The following OTUD4 variants were observed in gnomAD, a reference collection of about 807,000 sequenced individuals.
OTUD4 encodes OTU deubiquitinase 4.
Under a neutral mutation model 130.4 loss-of-function variants are expected in OTUD4, and 24 were observed. That is an observed-to-expected ratio of 0.18 (90% CI 0.13 to 0.26). The LOEUF is 0.26. Ranked by LOEUF, OTUD4 falls within the 10% of genes least tolerant of loss-of-function variation. The probability of loss-of-function intolerance (pLI) is 1.00; values close to 1 mark genes in which losing one functional copy is unlikely to be tolerated. For synonymous variants in OTUD4, 420 were observed against 472.5 expected (o/e 0.89, Z 1.44); for missense variants, 1,031 against 1,329.4 (o/e 0.78, Z 3.49).
At chr4:145,157,166 A>C (rs1219282456) in intron 7 of OTUD4, among the ~76,000 whole-genome samples, 1 of 152,222 alleles carries the variant, frequency 6.6e-6, no homozygotes, top group Non-Finnish European at 1.5e-5. Flanking sequence ...TAAATAAGTA[A>C]TAAGTATGTT....
chr4:145,149,167 C>G (rs921702243), intron 13 of OTUD4, among the ~76,000 whole-genome samples: 2 of 152,058 alleles, frequency 1.3e-5, no homozygotes, highest in East Asian at 3.9e-4. Flanking sequence ...AATGCCCTTA[C>G]AAGAAGAGAC....
intron 20 of OTUD4, 71 bp from the exon 21 acceptor site, chr4:145,138,721 A>T (rs1750408436): frequency 7.2e-7 from 1 of 1,385,332 alleles, no homozygotes; most frequent in Admixed American, 2.3e-5. Flanking sequence ...ATATCAATCT[A>T]CAAGTACTAG....
chr4:145,154,278 C>A lies in OTUD4; in HGVS notation c.873+1133G>T, dbSNP rs532109778. Reference sequence around the variant, plus strand: ...ACAATTAGAGCAGATTTATGACAATCCCATAAGGCAGTACCTGAATGAATC... The same window carrying A: ...ACAATTAGAGCAGATTTATGACAATACCATAAGGCAGTACCTGAATGAATC... On this transcript the variant is annotated intron_variant, in intron 10 of 20. Coordinates refer to ENST00000447906, the MANE Select transcript of OTUD4 (RefSeq NM_001366057.1). Among the ~76,000 whole-genome samples, 3 of 152,294 alleles carry A rather than the reference C, an allele frequency of 2.0e-5. No homozygotes were observed. In the South Asian group the frequency reaches 6.2e-4, roughly 32 times the overall value.
chr4:145,179,396 T>G (rs1406632547), intron 1 of OTUD4, among the ~76,000 whole-genome samples: 3 of 152,132 alleles, frequency 2.0e-5, no homozygotes, highest in Admixed American at 2.0e-4. Context: ...CAAGTAAAGT[T>G]TGATCCACCA....
At chr4:145,176,533 C>CAAA in intron 1 of OTUD4, among the ~76,000 whole-genome samples, 1 of 111,294 alleles carries the variant, frequency 9.0e-6, no homozygotes, top group East Asian at 2.5e-4. Flanking sequence ...CTAAAAAATA[C>CAAA]AAAAAAAAAA....
Position 145,179,977 on chromosome 4 carries a change from G to C in OTUD4, c.-4C>G. 6.6e-7 allele frequency: 1 copy of C among 1,504,852 alleles called. No individual in the cohort carries two copies. The highest frequency in any genetic ancestry group is 8.8e-7 in the Non-Finnish European group (1 of 1,135,472). The allele number at this position is 1,504,852 out of a possible 1,614,324, so 93.2% of individuals were successfully genotyped here. ...GGACGCCGACGGCAGCCTCCATGTTGCTGGTCCTGCTGCAGGCCAGGCGCG... is the reference window on the plus strand; with the variant it reads ...GGACGCCGACGGCAGCCTCCATGTTCCTGGTCCTGCTGCAGGCCAGGCGCG... On this transcript the variant is annotated 5_prime_UTR_variant, in exon 1 of 21. Coordinates refer to ENST00000447906, the MANE Select transcript of OTUD4 (RefSeq NM_001366057.1).
intron 7 of OTUD4, 37 bp from the exon 8 acceptor site, chr4:145,156,033 G>A (rs530537616): frequency 3.2e-6 from 5 of 1,549,618 alleles, no homozygotes; most frequent in Non-Finnish European, 1.8e-6. Context: ...GGCAGAAAAA[G>A]GTATTTGCAC....
Position 145,150,647 on chromosome 4 carries a change from T to C in OTUD4, c.1125A>G (p.Ser375=). 2 of 1,611,776 alleles carry C rather than the reference T, an allele frequency of 1.2e-6. No individual in the cohort carries two copies. The highest frequency in any genetic ancestry group is 1.7e-6 in the Non-Finnish European group (2 of 1,177,958). Residue 375 remains serine (S), a synonymous_variant, in exon 13 of 21, where the codon TCA becomes TCG. Transcript: ENST00000447906. ...GATGCTGCAGTCGAGGAGGTAGTGC[T>C]GATGGGGCTTTTATTGGCTTGCTTG... ...KNPSKPIKAP[S]ALPPRLQHPS...
chr4:145,172,437 A>C (rs1219754025), intron 2 of OTUD4, among the ~76,000 whole-genome samples: 2 of 152,240 alleles, frequency 1.3e-5, no homozygotes, highest in African/African-American at 2.4e-5. Context: ...AATTTTTCTA[A>C]TACAGCTTGC....
intron 4 of OTUD4, 120 bp downstream of exon 4, chr4:145,165,031 A>G (rs1169900789): frequency 2.0e-6 from 1 of 509,828 alleles, no homozygotes; most frequent in Non-Finnish European, 3.4e-6. Context: ...AAAAAAACTT[A>G]GAAAAGATAC....
At chr4:145,138,845 C>T (rs141490844) in intron 20 of OTUD4, among the ~76,000 whole-genome samples, 195 bp from the exon 21 acceptor site, 43 of 152,264 alleles carry the variant, frequency 2.8e-4, no homozygotes, top group African/African-American at 9.6e-4. Context: ...TTTAAGACTC[C>T]ATTGCTTGCT....
intron 1 of OTUD4, among the ~76,000 whole-genome samples, chr4:145,177,672 C>G (rs975563245): frequency 2.6e-5 from 4 of 152,196 alleles, no homozygotes; most frequent in African/African-American, 9.7e-5. Flanking sequence ...GGCTGTGGAG[C>G]TGATTCAGGT....
intron 3 of OTUD4, among the ~76,000 whole-genome samples, chr4:145,168,412 T>TAAAAAAAAAAAAAAAAAA (rs1432323241): frequency 6.6e-5 from 1 of 15,060 alleles, no homozygotes; most frequent in Admixed American, 1.2e-3. Flanking sequence ...AAATAAAAAA[T>TAAAAAAAAAAAAAAAAAA]TAAAAAAAAA....
intron 14 of OTUD4, among the ~76,000 whole-genome samples, chr4:145,144,923 A>G (rs532495968): frequency 6.6e-6 from 1 of 152,312 alleles, no homozygotes; most frequent in South Asian, 2.1e-4. Context: ...AGGGACTGAA[A>G]TAAGTGAGGT....
chr4:145,159,230 G>A, intron 7 of OTUD4: 1 of 1,229,048 alleles, frequency 8.1e-7, no homozygotes, highest in South Asian at 1.8e-5. Flanking sequence ...ACACATATAG[G>A]TAGGACCAAA....
intron 13 of OTUD4, chr4:145,149,500 A>G (rs542845122): frequency 6.6e-6 from 1 of 152,364 alleles, no homozygotes; most frequent in Admixed American, 6.5e-5. Context: ...TGTCTTGAAG[A>G]CGCTACATAA....
intron 13 of OTUD4, among the ~76,000 whole-genome samples, chr4:145,147,842 T>C (rs188858612): frequency 6.6e-6 from 1 of 152,338 alleles, no homozygotes; most frequent in Non-Finnish European, 1.5e-5. Context: ...ACAGTGAAGA[T>C]GAACTGTACT....
chr4:145,156,931 G>A (rs1022918060), intron 7 of OTUD4, among the ~76,000 whole-genome samples: 3 of 151,946 alleles, frequency 2.0e-5, no homozygotes, highest in Non-Finnish European at 2.9e-5. Flanking sequence ...CAGTATTCTC[G>A]GGATGTGACA....
intron 6 of OTUD4, among the ~76,000 whole-genome samples, chr4:145,161,386 A>G (rs1345926972): frequency 1.3e-5 from 2 of 152,216 alleles, no homozygotes; most frequent in African/African-American, 2.4e-5. Context: ...ATATCTTACA[A>G]TGGATTAATT....
Sources: gnomAD v4.1 joint callset for allele counts (sites outside exome capture counted in the v4.1 genomes callset) on GRCh38, gnomAD v4.1.1 for gene constraint, MANE v1.5 for transcripts, NCBI Gene and HGNC (gene_info 2026-07-23, HGNC 2026-07-21) for gene names.